Variants in GNA12 observed in about 807,000 individuals in gnomAD.
GNA12 encodes guanine nucleotide-binding protein subunit alpha-12.
A neutral mutation model predicts 26.0 loss-of-function variants in GNA12; 9 were observed. The observed-to-expected ratio is 0.35, with a 90% CI of 0.21 to 0.60. The LOEUF is 0.60. Among genes scored for constraint, GNA12 ranks in the 20% least tolerant of loss-of-function variants. The probability of loss-of-function intolerance (pLI) is 0.78; values close to 1 mark genes in which losing one functional copy is unlikely to be tolerated. For synonymous variants in GNA12, 264 were observed against 219.6 expected (o/e 1.20, Z -1.79); for missense variants, 405 against 525.8 (o/e 0.77, Z 2.25).
At chr7:2,792,034 T>G (rs142959050) in intron 2 of GNA12, among the ~76,000 whole-genome samples, 18 of 152,302 alleles carry the variant, frequency 1.2e-4, no homozygotes, top group Admixed American at 8.5e-4. Flanking sequence ...TCACAAAGTC[T>G]CATGGTCTGA....
intron 2 of GNA12, among the ~76,000 whole-genome samples, chr7:2,785,653 T>C (rs113900698): frequency 6.8e-6 from 1 of 146,478 alleles, no homozygotes; most frequent in African/African-American, 2.7e-5. Context: ...CATGTGCATA[T>C]ACACACACAT....
At chr7:2,808,844 A>C (rs1793011694) in intron 1 of GNA12, among the ~76,000 whole-genome samples, 1 of 152,152 alleles carries the variant, frequency 6.6e-6, no homozygotes, top group Non-Finnish European at 1.5e-5. Flanking sequence ...GCTTTGTTCA[A>C]AACCCTACAA....
At chr7:2,748,342 C>T (rs1270793684) in intron 2 of GNA12, among the ~76,000 whole-genome samples, 1 of 152,132 alleles carries the variant, frequency 6.6e-6, no homozygotes, top group African/African-American at 2.4e-5. Context: ...ACAGAGCCCT[C>T]AGAAATAATG....
intron 2 of GNA12, among the ~76,000 whole-genome samples, chr7:2,756,641 G>A (rs749158601): frequency 6.7e-6 from 1 of 149,576 alleles, no homozygotes; most frequent in Non-Finnish European, 1.5e-5. Context: ...ACATAGGAGA[G>A]GATCTGTGTG....
At chr7:2,779,384 C>G (rs1193970425) in intron 2 of GNA12, among the ~76,000 whole-genome samples, 2 of 151,998 alleles carry the variant, frequency 1.3e-5, no homozygotes, top group African/African-American at 4.8e-5. Flanking sequence ...GTGGTGCACA[C>G]CGGTAGTTCT....
At chr7:2,735,207 C>G (rs1790105835) in intron 2 of GNA12, among the ~76,000 whole-genome samples, 1 of 152,206 alleles carries the variant, frequency 6.6e-6, no homozygotes, top group African/African-American at 2.4e-5. Context: ...AGGTGCCACG[C>G]AAGCCCAAGA....
chr7:2,804,779 C>G (rs1002559855), intron 1 of GNA12, among the ~76,000 whole-genome samples: 1 of 152,090 alleles, frequency 6.6e-6, no homozygotes, highest in African/African-American at 2.4e-5. Context: ...TTGAAGAGAG[C>G]TGGGCGTGAT....
chr7:2,766,156 T>G (rs1329791000), intron 2 of GNA12, among the ~76,000 whole-genome samples: 1 of 152,110 alleles, frequency 6.6e-6, no homozygotes, highest in African/African-American at 2.4e-5. Context: ...TAACCAGCAT[T>G]CTACTTTTTG....
intron 1 of GNA12, among the ~76,000 whole-genome samples, chr7:2,800,855 C>T (rs569372881): frequency 1.1e-4 from 17 of 152,308 alleles, no homozygotes; most frequent in South Asian, 1.0e-3. Flanking sequence ...ATTCCTCCTC[C>T]GGGTCCTCAT....
intron 1 of GNA12, among the ~76,000 whole-genome samples, chr7:2,827,809 A>C (rs1793518218): frequency 6.6e-6 from 1 of 152,224 alleles, no homozygotes; most frequent in South Asian, 2.1e-4. Flanking sequence ...AATTAACTAC[A>C]AAAACATCGC....
chr7:2,782,698 T>G (rs1229794430), intron 2 of GNA12, among the ~76,000 whole-genome samples: 1 of 152,110 alleles, frequency 6.6e-6, no homozygotes, highest in Non-Finnish European at 1.5e-5. Context: ...CTGGGTTTCT[T>G]GACTGTTTGA....
chr7:2,748,762 C>G (rs1790886433), intron 2 of GNA12, among the ~76,000 whole-genome samples: 1 of 152,154 alleles, frequency 6.6e-6, no homozygotes, highest in South Asian at 2.1e-4. Context: ...ACCTACTCAT[C>G]TGACAAAGGG....
intron 1 of GNA12, among the ~76,000 whole-genome samples, chr7:2,798,922 G>C (rs925980639): frequency 6.6e-6 from 1 of 151,748 alleles, no homozygotes; most frequent in African/African-American, 2.4e-5. Context: ...AAACGCTGTT[G>C]GAGGAAGTGG....
At position 2,818,326 on chromosome 7, in the gene GNA12, G is replaced by A. The variant is rs967818690; in HGVS notation, c.310-23183C>T. 5.3e-5 allele frequency among the ~76,000 whole-genome samples: 8 copies of A among 152,198 alleles called. No homozygotes were observed. The East Asian group carries it at 5.8e-4, about 11-fold the overall frequency. On this transcript the variant is annotated intron_variant, in intron 1 of 3. Coordinates refer to ENST00000275364, the MANE Select transcript of GNA12 (RefSeq NM_007353.3). ...GCAGCATCTCCAACCATCAGATGCCGGCGGCACCCATCAGTGTCACAACCA... is the reference window on the plus strand; with the variant it reads ...GCAGCATCTCCAACCATCAGATGCCAGCGGCACCCATCAGTGTCACAACCA...
At chr7:2,805,661 C>T (rs1377348420) in intron 1 of GNA12, among the ~76,000 whole-genome samples, 1 of 152,230 alleles carries the variant, frequency 6.6e-6, no homozygotes, top group Non-Finnish European at 1.5e-5. Context: ...GAGCTGACCT[C>T]TGAGGACCCA....
At chr7:2,836,048 A>T (rs930055747) in intron 1 of GNA12, 12 of 266,952 alleles carry the variant, frequency 4.5e-5, no homozygotes, top group Non-Finnish European at 9.4e-5. Flanking sequence ...ACTTAAAAAA[A>T]TTTGTTTAAT....
At chr7:2,804,756 A>G (rs1249736648) in intron 1 of GNA12, among the ~76,000 whole-genome samples, 1 of 152,130 alleles carries the variant, frequency 6.6e-6, no homozygotes, top group Non-Finnish European at 1.5e-5. Flanking sequence ...AACATTTTCT[A>G]CCACTAAAGA....
intron 1 of GNA12, among the ~76,000 whole-genome samples, chr7:2,838,607 T>C (rs1283668087): frequency 6.6e-6 from 1 of 152,070 alleles, no homozygotes; most frequent in Non-Finnish European, 1.5e-5. Context: ...GTCATAATAA[T>C]GACTTTACCC....
At chr7:2,819,193 A>T (rs1305420981) in intron 1 of GNA12, among the ~76,000 whole-genome samples, 1 of 152,144 alleles carries the variant, frequency 6.6e-6, no homozygotes, top group Admixed American at 6.5e-5. Context: ...GGCCTCCAGG[A>T]GCCGAGGGAG....
Sources: gnomAD v4.1 joint callset for allele counts (sites outside exome capture counted in the v4.1 genomes callset) on GRCh38, gnomAD v4.1.1 for gene constraint, MANE v1.5 for transcripts, NCBI Gene and HGNC (gene_info 2026-07-23, HGNC 2026-07-21) for gene names.